The following MIER1 variants were observed in gnomAD, a reference collection of about 807,000 sequenced individuals.
The protein encoded by MIER1 is MIER1 transcriptional regulator.
In MIER1, 40 loss-of-function variants were observed where a neutral mutation model predicts 75.7. The ratio of observed to expected loss-of-function variants is 0.53; its 90% CI spans 0.41 to 0.69. The LOEUF (loss-of-function observed/expected upper bound fraction) is 0.69, where lower values mean the gene tolerates loss of function less well. Ranked by LOEUF, MIER1 falls within the 30% of genes least tolerant of loss-of-function variation. The pLI, the probability that MIER1 is intolerant of heterozygous loss-of-function variation, is 0.00. For missense variants in MIER1, 574 were observed against 680.2 expected (o/e 0.84, Z 1.74); for synonymous variants, 213 against 223.4 (o/e 0.95, Z 0.42).
At position 66,958,945 on chromosome 1, in the gene MIER1, A is replaced by AAAT; in HGVS notation, c.600_602dup (p.Ile201dup). On this transcript the variant is annotated inframe_insertion, in exon 6 of 14. Transcript: ENST00000401041. ...TCTGTTGCTTCTCAAGATGCCCAGGAAATAATCCGCCCACGTCGATGTAAA... is the reference window on the plus strand; with the variant it reads ...TCTGTTGCTTCTCAAGATGCCCAGGAAATAATAATCCGCCCACGTCGATGTAAA... 6.2e-7 allele frequency: 1 copy of AAAT among 1,613,288 alleles called. No individual in the cohort carries two copies. The highest frequency in any genetic ancestry group is 8.5e-7 in the Non-Finnish European group (1 of 1,179,494).
rs1667018570 is a variant in MIER1 at position 66,988,158 on chromosome 1, A to G, written c.*3258A>G. 6.6e-6 allele frequency: 1 copy of G among 152,322 alleles called. No individual in the cohort carries two copies. Among genetic ancestry groups the G allele is most frequent in the African/African-American group, 2.4e-5 (1 of 41,434 alleles). 9.4% of individuals were successfully genotyped at this position (152,322 alleles called of 1,614,324 possible). A position where few individuals can be genotyped will look rare whatever the true frequency, so the allele number is the denominator to read the frequency against. On this transcript the variant is annotated 3_prime_UTR_variant, in exon 14 of 14. Coordinates refer to ENST00000401041, the MANE Select transcript of MIER1 (RefSeq NM_001077700.3). ...CAAATCAGATAGTAAGGTTTTCCCA[A>G]CTATAATCCATATTCATGAAAAATG...
intron 3 of MIER1, among the ~76,000 whole-genome samples, chr1:66,943,647 T>C (rs1300529095): frequency 6.6e-6 from 1 of 152,046 alleles, no homozygotes; most frequent in African/African-American, 2.4e-5. Flanking sequence ...CCTGAACCCC[T>C]GAGCTCAAGC....
Position 66,972,930 on chromosome 1 carries a change from GA to G in MIER1, c.1043del (p.Asn348IlefsTer6). 6.2e-7 allele frequency: 1 copy of G among 1,607,628 alleles called. No individual in the cohort carries two copies. The highest frequency in any genetic ancestry group is 8.5e-7 in the Non-Finnish European group (1 of 1,174,540). On this transcript the variant is annotated frameshift_variant, in exon 11 of 14. Transcript: ENST00000401041. LOFTEE classifies it high-confidence loss of function. ...ELSVWTEEEC[R>X]NFEQGLKAYG... The stretch of plus-strand genomic sequence containing the variant: ...TCTGTTTGGACAGAGGAAGAGTGTA[GA>G]AATTTTGAACAAGGGCTGAAGGCCT...
chr1:66,933,385 T>C (rs115436297), intron 2 of MIER1, among the ~76,000 whole-genome samples: 101 of 152,302 alleles, frequency 6.6e-4, no homozygotes, highest in African/African-American at 2.4e-3. Flanking sequence ...AGACCTGTCT[T>C]TTCACCTAGG....
chr1:66,930,328 T>G, intron 2 of MIER1: 1 of 1,597,286 alleles, frequency 6.3e-7, no homozygotes, highest in Non-Finnish European at 8.5e-7. Context: ...GAGTCTCACA[T>G]CCGGGTTCTG....
chr1:66,943,233 GA>G (rs1656674116), intron 3 of MIER1, among the ~76,000 whole-genome samples: 1 of 152,156 alleles, frequency 6.6e-6, no homozygotes, highest in Non-Finnish European at 1.5e-5. Context: ...GATTGGGACA[GA>G]AAACTACACC....
Position 66,984,435 on chromosome 1 carries a change from A to G in MIER1, c.1370-137A>G, listed in dbSNP as rs1033595706. ...ATTTGCCTAAGGCGACATAGCTTAT[A>G]AGTAATAGAGCAAGAATTTAGACTA... is the stretch of plus-strand genomic sequence containing the variant. On this transcript the variant is annotated intron_variant, in intron 13 of 13. Transcript: ENST00000401041. 3 of 603,542 alleles carry G rather than the reference A, an allele frequency of 5.0e-6. No homozygotes were observed. The East Asian group carries it at 8.6e-5, about 17-fold the overall frequency. 37.4% of individuals were successfully genotyped at this position (603,542 alleles called of 1,614,324 possible).
Position 66,976,701 on chromosome 1 carries a change from A to G in MIER1, c.1208A>G (p.Tyr403Cys), listed in dbSNP as rs1435824306. The part of the protein sequence containing the change: ...AQQTRFGKKK[Y>C]NLHPGVTDYM... Reference sequence around the variant, plus strand: ...CAAACACGATTTGGAAAGAAGAAATATAATCTTCATCCTGGTGTAACGTGA... The same window carrying G: ...CAAACACGATTTGGAAAGAAGAAATGTAATCTTCATCCTGGTGTAACGTGA... The change falls in exon 12 of 14, where the codon TAT becomes TGT. Residue 403 changes from tyrosine (Y) to cysteine (C), a missense_variant. By Grantham distance (194) the Tyr-to-Cys change is radical (BLOSUM62 -2). Transcript: ENST00000401041. 3 of 1,605,546 alleles carry G rather than the reference A, an allele frequency of 1.9e-6. No homozygotes were observed. In the Admixed American group the frequency reaches 5.1e-5, roughly 27 times the overall value.
chr1:66,986,324 T>C lies in MIER1; in HGVS notation c.*1424T>C. On this transcript the variant is annotated 3_prime_UTR_variant, in exon 14 of 14. Coordinates refer to ENST00000401041, the MANE Select transcript of MIER1 (RefSeq NM_001077700.3). ...TTAGTGCTAAATTCTTGTTAAATAA[T>C]GTAGTTTTATATAGCTGATAGACCA... 1 of 1,540,534 alleles carries C rather than the reference T, an allele frequency of 6.5e-7. No homozygotes were observed. The highest frequency in any genetic ancestry group is 8.7e-7 in the Non-Finnish European group (1 of 1,152,026).
chr1:66,935,875 TTC>T (rs1480808291), intron 2 of MIER1, among the ~76,000 whole-genome samples: 4 of 152,218 alleles, frequency 2.6e-5, no homozygotes, highest in Admixed American at 6.5e-5. Flanking sequence ...AGTCATAGTG[TTC>T]TATTGTTTGG....
intron 3 of MIER1, among the ~76,000 whole-genome samples, chr1:66,941,827 C>G (rs1656286911): frequency 6.6e-6 from 1 of 151,932 alleles, no homozygotes. Flanking sequence ...GAAAATTAGC[C>G]AGGATGGTGG....
intron 1 of MIER1, chr1:66,925,348 C>T (rs1304467419): frequency 2.0e-6 from 2 of 985,348 alleles, no homozygotes; most frequent in Non-Finnish European, 2.4e-6. Flanking sequence ...TTTGCCTTCG[C>T]GGTGGTGGCG....
At chr1:66,979,890 G>A (rs868042582) in intron 12 of MIER1, among the ~76,000 whole-genome samples, 9 of 151,816 alleles carry the variant, frequency 5.9e-5, no homozygotes, top group Non-Finnish European at 1.2e-4. Context: ...GCCGCCTCCC[G>A]AGTAGCTGGG....
chr1:66,962,369 A>C (rs1410506949), intron 7 of MIER1, among the ~76,000 whole-genome samples: 1 of 151,986 alleles, frequency 6.6e-6, no homozygotes, highest in Non-Finnish European at 1.5e-5. Flanking sequence ...CTTTATACAA[A>C]CCCTTTTTGT....
chr1:66,950,684 T>C (rs1048125227), intron 4 of MIER1, among the ~76,000 whole-genome samples: 4 of 140,342 alleles, frequency 2.9e-5, no homozygotes, highest in African/African-American at 1.1e-4. Context: ...TGTGAGAGAT[T>C]GCAGTATTTT....
intron 7 of MIER1, among the ~76,000 whole-genome samples, chr1:66,961,453 A>G (rs533832019): frequency 2.0e-5 from 3 of 152,370 alleles, no homozygotes; most frequent in Non-Finnish European, 4.4e-5. Flanking sequence ...TTAACACATA[A>G]TGATCTTCAA....
At chr1:66,928,846 T>TAA (rs1437095769) in intron 2 of MIER1, 2 of 1,386,836 alleles carry the variant, frequency 1.4e-6, no homozygotes, top group African/African-American at 2.8e-5. Flanking sequence ...TTGGGAACCT[T>TAA]AAAGTTTTCC....
intron 5 of MIER1, among the ~76,000 whole-genome samples, chr1:66,958,587 A>G (rs1165138427): frequency 6.6e-6 from 1 of 152,052 alleles, no homozygotes; most frequent in Non-Finnish European, 1.5e-5. Context: ...GTTAGTATAG[A>G]ACGTTCCTGT....
intron 2 of MIER1, among the ~76,000 whole-genome samples, chr1:66,938,264 A>G (rs1261080933): frequency 6.6e-6 from 1 of 152,206 alleles, no homozygotes. Context: ...CAAAATCTCT[A>G]TTGTTAATAT....
Sources: gnomAD v4.1 joint callset for allele counts (sites outside exome capture counted in the v4.1 genomes callset) on GRCh38, gnomAD v4.1.1 for gene constraint, MANE v1.5 for transcripts, NCBI Gene and HGNC (gene_info 2026-07-23, HGNC 2026-07-21) for gene names.